The following CDH18 variants were observed in gnomAD, a reference collection of about 807,000 sequenced individuals.
The protein encoded by CDH18 is cadherin-18.
In CDH18, 31 loss-of-function variants were observed where a neutral mutation model predicts 67.9. The ratio of observed to expected loss-of-function variants is 0.46; its 90% CI spans 0.34 to 0.62. The LOEUF (loss-of-function observed/expected upper bound fraction) is 0.62. Among genes scored for constraint, CDH18 ranks in the 20% least tolerant of loss-of-function variants. The pLI, the probability that CDH18 is intolerant of heterozygous loss-of-function variation, is 0.01. For missense variants in CDH18, 890 were observed against 975.5 expected (o/e 0.91, Z 1.17); for synonymous variants, 362 against 347.2 (o/e 1.04, Z -0.48).
At chr5:20,053,588 A>T (rs562885679) in intron 2 of CDH18, among the ~76,000 whole-genome samples, 1 of 152,094 alleles carries the variant, frequency 6.6e-6, no homozygotes, top group African/African-American at 2.4e-5. Context: ...CACAAACACT[A>T]AAATGAATCT....
At chr5:20,189,173 T>A (rs553511538) in intron 2 of CDH18, among the ~76,000 whole-genome samples, 4 of 152,244 alleles carry the variant, frequency 2.6e-5, no homozygotes, top group African/African-American at 9.6e-5. Context: ...GTTTTTTATT[T>A]GACTTCTCAC....
intron 3 of CDH18, among the ~76,000 whole-genome samples, chr5:19,808,386 T>A (rs1778260334): frequency 6.6e-6 from 1 of 151,774 alleles, no homozygotes; most frequent in Non-Finnish European, 1.5e-5. Context: ...AAATTAAATG[T>A]CTTTGTTATG....
At chr5:19,806,481 C>T (rs994813768) in intron 3 of CDH18, among the ~76,000 whole-genome samples, 9 of 152,144 alleles carry the variant, frequency 5.9e-5, no homozygotes, top group African/African-American at 2.2e-4. Context: ...GTTCTTCCGC[C>T]TTATCAATGT....
intron 5 of CDH18, among the ~76,000 whole-genome samples, chr5:19,651,040 A>G (rs1755497699): frequency 6.6e-6 from 1 of 152,024 alleles, no homozygotes; most frequent in South Asian, 2.1e-4. Flanking sequence ...ACATGAGCAT[A>G]TTATATGTCA....
intron 5 of CDH18, among the ~76,000 whole-genome samples, chr5:19,711,530 C>T (rs1054136044): frequency 2.7e-5 from 4 of 150,706 alleles, no homozygotes; most frequent in Non-Finnish European, 4.4e-5. Context: ...CAAAAGGAGA[C>T]ACAAATGGCT....
intron 2 of CDH18, among the ~76,000 whole-genome samples, chr5:20,244,244 G>C (rs553703145): frequency 2.8e-4 from 42 of 152,070 alleles, no homozygotes; most frequent in Admixed American, 2.4e-3. Flanking sequence ...AACTTAATGT[G>C]ATAAAGAAGT....
Position 20,370,965 on chromosome 5 carries a change from A to C in CDH18, c.-579-115460T>G, listed in dbSNP as rs1030920175. ...GGCAGGATAATCGTTTGAACCTGGGAAGTGGAGGTTGCAGTGAGCTGAGAT... is the reference window on the plus strand; with the variant it reads ...GGCAGGATAATCGTTTGAACCTGGGCAGTGGAGGTTGCAGTGAGCTGAGAT... On this transcript the variant is annotated intron_variant, in intron 1 of 14. Transcript: ENST00000507958. Among the ~76,000 whole-genome samples, 18 of 151,970 alleles carry C rather than the reference A, an allele frequency of 1.2e-4. No individual in the cohort carries two copies. In the East Asian group the frequency reaches 3.1e-3, roughly 26 times the overall value.
At chr5:20,537,906 G>T (rs189559639) in intron 1 of CDH18, among the ~76,000 whole-genome samples, 1 of 152,284 alleles carries the variant, frequency 6.6e-6, no homozygotes, top group African/African-American at 2.4e-5. Context: ...ATCCCACACA[G>T]GTGAGGATTA....
intron 8 of CDH18, among the ~76,000 whole-genome samples, chr5:19,545,928 G>T (rs534952793): frequency 2.0e-5 from 3 of 152,236 alleles, no homozygotes; most frequent in South Asian, 2.1e-4. Context: ...TAAGAGAAAA[G>T]AAATAAAAGA....
intron 10 of CDH18, among the ~76,000 whole-genome samples, chr5:19,506,112 T>C (rs939550379): frequency 6.9e-6 from 1 of 144,436 alleles, no homozygotes; most frequent in African/African-American, 2.6e-5. Context: ...AGTATTCTTA[T>C]ACACACATAA....
chr5:20,150,184 T>A (rs1489093394), intron 2 of CDH18, among the ~76,000 whole-genome samples: 1 of 152,118 alleles, frequency 6.6e-6, no homozygotes, highest in Non-Finnish European at 1.5e-5. Context: ...AATTATAATT[T>A]TACCTGTGGA....
At chr5:19,716,617 T>C (rs2892405) in intron 5 of CDH18, among the ~76,000 whole-genome samples, 6,652 of 152,102 alleles carry the variant, frequency 0.044, 478 homozygotes, top group African/African-American at 0.15. Context: ...CTAAGTGAGA[T>C]AGATGTTATT....
chr5:19,607,113 T>G lies in CDH18; in HGVS notation c.811+5321A>C, dbSNP rs939015466. Among the ~76,000 whole-genome samples, 181 of 151,820 alleles carry G rather than the reference T, an allele frequency of 1.2e-3. 1 individual carries two copies. The highest frequency in any genetic ancestry group is 4.2e-3 in the African/African-American group (176 of 41,554). On this transcript the variant is annotated intron_variant, in intron 6 of 12. Transcript: ENST00000382275. ...ATAAAGGCAAAATTGTAAATTTATA[T>G]AGAAAAGCTGAGAAAATTCATTGGC...
chr5:20,370,602 T>C (rs1232695995), intron 1 of CDH18, among the ~76,000 whole-genome samples: 2 of 152,134 alleles, frequency 1.3e-5, no homozygotes, highest in African/African-American at 4.8e-5. Flanking sequence ...AAGACACAGG[T>C]GAAATTTATG....
At chr5:20,436,577 C>A (rs947689326) in intron 1 of CDH18, among the ~76,000 whole-genome samples, 1 of 151,428 alleles carries the variant, frequency 6.6e-6, no homozygotes, top group South Asian at 2.1e-4. Flanking sequence ...GTAAAAGAAT[C>A]TGATATTTAA....
At chr5:20,099,155 GA>G (rs2150573764) in intron 2 of CDH18, among the ~76,000 whole-genome samples, 1 of 152,274 alleles carries the variant, frequency 6.6e-6, no homozygotes, top group South Asian at 2.1e-4. Flanking sequence ...AGCACATAAT[GA>G]AAACAAAACA....
At chr5:19,916,196 C>G (rs1791766070) in intron 2 of CDH18, among the ~76,000 whole-genome samples, 1 of 152,140 alleles carries the variant, frequency 6.6e-6, no homozygotes, top group Admixed American at 6.6e-5. Context: ...AGCCACACGT[C>G]CTTTATGCCA....
At chr5:19,763,994 C>CAAAAAAAAA (rs60958986) in intron 3 of CDH18, among the ~76,000 whole-genome samples, 91 of 65,214 alleles carry the variant, frequency 1.4e-3, no homozygotes, top group African/African-American at 3.7e-3. Flanking sequence ...ACTAAAAATA[C>CAAAAAAAAA]AAAAAAAAAA....
rs1053062344 is a variant in CDH18, at chr5:19,904,365, G to C, written c.-256-65123C>G. Among the ~76,000 whole-genome samples the C allele has an allele frequency of 6.3e-5, 9 of 143,304 alleles. No homozygotes were observed. The Admixed American group carries it at 6.3e-4, about 10-fold the overall frequency. The allele number at this position is 143,304 out of a possible 152,430, so 94.0% of individuals were successfully genotyped here. On this transcript the variant is annotated intron_variant, in intron 2 of 12. Transcript: ENST00000382275. ...GAGGGAGGGAGGGAGGGGAAGGGAAGGGGTGGAGAGGGGAGGGGGAGGGGA... is the reference window on the plus strand; with the variant it reads ...GAGGGAGGGAGGGAGGGGAAGGGAACGGGTGGAGAGGGGAGGGGGAGGGGA...
Sources: gnomAD v4.1 joint callset for allele counts (sites outside exome capture counted in the v4.1 genomes callset) on GRCh38, gnomAD v4.1.1 for gene constraint, MANE v1.5 for transcripts, NCBI Gene and HGNC (gene_info 2026-07-23, HGNC 2026-07-21) for gene names.